CCNB1IP1: variants seen among roughly 807,000 people sequenced by gnomAD.
CCNB1IP1 encodes the protein E3 ubiquitin-protein ligase CCNB1IP1.
A neutral mutation model predicts 25.6 loss-of-function variants in CCNB1IP1; 14 were observed. The observed-to-expected ratio is 0.55, with a 90% CI of 0.36 to 0.85. CCNB1IP1 has a LOEUF of 0.85. Ranked by LOEUF, CCNB1IP1 falls within the 40% of genes least tolerant of loss-of-function variation. The pLI, the probability that CCNB1IP1 is intolerant of heterozygous loss-of-function variation, is 0.01. For synonymous variants in CCNB1IP1, 119 were observed against 116.1 expected, an observed-to-expected ratio of 1.02 and a Z score of -0.16; for missense variants, 278 against 342.4, an observed-to-expected ratio of 0.81 and a Z score of 1.48.
chr14:20,315,840 TAG>T (rs1403032840), intron 5 of CCNB1IP1: 11 of 965,684 alleles, frequency 1.1e-5, no homozygotes, highest in Non-Finnish European at 1.6e-5. Context: ...ACCCAGGAGT[TAG>T]AGACTAGCCT....
chr14:20,317,847 A>G (rs532777935), intron 4 of CCNB1IP1: 2 of 152,402 alleles, frequency 1.3e-5, no homozygotes, highest in South Asian at 2.1e-4. Context: ...ACAGCTCCAC[A>G]AGCGAAGATT....
intron 1 of CCNB1IP1, among the ~76,000 whole-genome samples, chr14:20,330,323 T>C (rs1472061202): frequency 6.6e-6 from 1 of 151,866 alleles, no homozygotes; most frequent in Non-Finnish European, 1.5e-5. Context: ...CAATAGACAC[T>C]AGGTACTCCA....
chr14:20,313,437 GAACA>G, intron 6 of CCNB1IP1, 27 bp downstream of exon 6: 6 of 1,501,154 alleles, frequency 4.0e-6, no homozygotes, highest in Non-Finnish European at 5.4e-6. Context: ...TTGATTTAAA[GAACA>G]GACACTTGAT....
chr14:20,331,775 C>G (rs753947580), intron 1 of CCNB1IP1, among the ~76,000 whole-genome samples: 5 of 151,454 alleles, frequency 3.3e-5, no homozygotes, highest in Non-Finnish European at 5.9e-5. Context: ...GAACACTCTA[C>G]TCATGGAACT....
chr14:20,325,454 TAGC>T (rs1883047613), intron 4 of CCNB1IP1, 82 bp downstream of exon 4: 1 of 150,772 alleles, frequency 6.6e-6, no homozygotes, highest in Non-Finnish European at 1.5e-5. Flanking sequence ...TATAGCACCT[TAGC>T]AGCTGGCCAT....
intron 3 of CCNB1IP1, among the ~76,000 whole-genome samples, chr14:20,326,278 CAA>C (rs1218571250): frequency 6.6e-6 from 1 of 152,038 alleles, no homozygotes; most frequent in African/African-American, 2.4e-5. Context: ...TTCTAACTCA[CAA>C]AAGTGATTTT....
intron 4 of CCNB1IP1, among the ~76,000 whole-genome samples, chr14:20,321,121 G>C (rs1046287802): frequency 2.9e-5 from 4 of 139,472 alleles, no homozygotes; most frequent in African/African-American, 1.1e-4. Context: ...TGGGCAGCAA[G>C]AGCAAACTCC....
intron 1 of CCNB1IP1, among the ~76,000 whole-genome samples, chr14:20,330,271 A>G (rs1303944133): frequency 6.6e-6 from 1 of 152,132 alleles, no homozygotes; most frequent in Non-Finnish European, 1.5e-5. Flanking sequence ...AATCTTGCGT[A>G]GGGAGCTAAA....
At chr14:20,318,831 C>T (rs1330608962) in intron 4 of CCNB1IP1, among the ~76,000 whole-genome samples, 1 of 152,144 alleles carries the variant, frequency 6.6e-6, no homozygotes, top group East Asian at 1.9e-4. Context: ...GACGCGATCT[C>T]GGCTCACTGC....
At chr14:20,323,192 C>T (rs1415476779) in intron 4 of CCNB1IP1, 1 of 151,920 alleles carries the variant, frequency 6.6e-6, no homozygotes, top group Non-Finnish European at 1.5e-5. Context: ...TGTTTGACTC[C>T]GCAAAAATCA....
chr14:20,316,193 C>A (rs2138846898), intron 5 of CCNB1IP1, 34 bp downstream of exon 5: 1 of 1,569,870 alleles, frequency 6.4e-7, no homozygotes, highest in South Asian at 1.2e-5. Context: ...TGCCATAAAT[C>A]ACATGCTCAA....
chr14:20,313,808 C>A lies in CCNB1IP1; in HGVS notation c.298-7G>T. 1.3e-6 allele frequency: 2 copies of A among 1,528,918 alleles called. No individual in the cohort carries two copies. Among genetic ancestry groups the A allele is most frequent in the Non-Finnish European group, 8.8e-7 (1 of 1,142,484 alleles). The allele number at this position is 1,528,918 out of a possible 1,614,324, so 94.7% of individuals were successfully genotyped here. On this transcript the variant is annotated splice_polypyrimidine_tract_variant and splice_region_variant and intron_variant, in intron 5 of 6. Coordinates refer to ENST00000358932, the MANE Select transcript of CCNB1IP1 (RefSeq NM_021178.5). The stretch of plus-strand genomic sequence containing the variant: ...AGAGACGTTCCTGATGTACCTGGTT[C>A]CAAAAGAAAAAAGATTTTTAAGGTA...
intron 5 of CCNB1IP1, among the ~76,000 whole-genome samples, chr14:20,316,024 C>G (rs948434761): frequency 3.3e-5 from 5 of 152,146 alleles, no homozygotes; most frequent in Non-Finnish European, 2.9e-5. Flanking sequence ...ATGGTTATCT[C>G]TGAGTGATGG....
chr14:20,320,877 C>T (rs972030735), intron 4 of CCNB1IP1, among the ~76,000 whole-genome samples: 12 of 149,312 alleles, frequency 8.0e-5, no homozygotes. Context: ...ATGGCTCACG[C>T]CTATAATCCC....
intron 6 of CCNB1IP1, among the ~76,000 whole-genome samples, chr14:20,312,208 A>G (rs3784244): frequency 0.43 from 64,788 of 152,058 alleles, 14,854 homozygotes; most frequent in Admixed American, 0.51. Context: ...TGAATATGAA[A>G]AAAATAAGAC....
intron 5 of CCNB1IP1, chr14:20,314,536 TG>T (rs79562167): frequency 0.55 from 83,349 of 151,940 alleles, 23,559 homozygotes; most frequent in Middle Eastern, 0.67. Context: ...AAAATCCAGG[TG>T]GATCTTGGAT....
chr14:20,320,652 A>G (rs1232547171), intron 4 of CCNB1IP1, among the ~76,000 whole-genome samples: 1 of 151,706 alleles, frequency 6.6e-6, no homozygotes, highest in African/African-American at 2.4e-5. Context: ...AAAAAACACA[A>G]AAATTAGCTG....
intron 1 of CCNB1IP1, among the ~76,000 whole-genome samples, chr14:20,331,194 T>C (rs961092110): frequency 6.6e-6 from 1 of 151,506 alleles, no homozygotes; most frequent in African/African-American, 2.5e-5. Flanking sequence ...TTCAGGGGCA[T>C]ATCCAGCACA....
rs1594285044 is a variant in CCNB1IP1 at position 20,329,376 on chromosome 14, G to A, written c.-430-3C>T. 6.6e-6 allele frequency: 1 copy of A among 152,274 alleles called. No individual in the cohort carries two copies. The highest frequency in any genetic ancestry group is 1.9e-4 in the East Asian group (1 of 5,180). 9.4% of individuals were successfully genotyped at this position (152,274 alleles called of 1,614,324 possible). A position where few individuals can be genotyped will look rare whatever the true frequency, so the allele number is the denominator to read the frequency against. On this transcript the variant is annotated splice_polypyrimidine_tract_variant and splice_region_variant and intron_variant, in intron 1 of 6. Transcript: ENST00000358932. ...CCTCAGTGGATTTCATCTTCAACCT[G>A]AAACAAAATGAACACACAAAATTTT... is the stretch of plus-strand genomic sequence containing the variant.
Sources: gnomAD v4.1 joint callset for allele counts (sites outside exome capture counted in the v4.1 genomes callset) on GRCh38, gnomAD v4.1.1 for gene constraint, MANE v1.5 for transcripts, NCBI Gene and HGNC (gene_info 2026-07-23, HGNC 2026-07-21) for gene names.